Variants in PXDNL observed in about 807,000 individuals in gnomAD.
The protein encoded by PXDNL is probable oxidoreductase PXDNL.
In PXDNL, 145 loss-of-function variants were observed where a neutral mutation model predicts 150.8. That is an observed-to-expected ratio of 0.96 (90% CI 0.84 to 1.10). The LOEUF (loss-of-function observed/expected upper bound fraction) is 1.10. Among genes scored for constraint, PXDNL ranks in the 50% least tolerant of loss-of-function variants. The pLI is 0.00. For synonymous variants in PXDNL, 757 were observed against 725.7 expected, an observed-to-expected ratio of 1.04 and a Z score of -0.69; for missense variants, 2,087 against 1,873.9, an observed-to-expected ratio of 1.11 and a Z score of -2.10.
At chr8:51,646,950 G>A (rs1814933491) in intron 2 of PXDNL, among the ~76,000 whole-genome samples, 1 of 152,092 alleles carries the variant, frequency 6.6e-6, no homozygotes, top group Admixed American at 6.6e-5. Context: ...AGAGCCGATG[G>A]CCTGGGAGTG....
At chr8:51,558,258 A>G (rs1159256277) in intron 3 of PXDNL, among the ~76,000 whole-genome samples, 2 of 152,050 alleles carry the variant, frequency 1.3e-5, no homozygotes, top group Non-Finnish European at 2.9e-5. Context: ...CTCTAATTTA[A>G]TGATGGGTCC....
At chr8:51,425,032 T>G (rs1809054463) in intron 13 of PXDNL, among the ~76,000 whole-genome samples, 1 of 152,176 alleles carries the variant, frequency 6.6e-6, no homozygotes, top group African/African-American at 2.4e-5. Context: ...GCCTAGTAGG[T>G]CCTTCCTTCA....
intron 1 of PXDNL, among the ~76,000 whole-genome samples, chr8:51,654,967 T>C (rs1204791379): frequency 6.6e-6 from 1 of 152,208 alleles, no homozygotes; most frequent in East Asian, 1.9e-4. Context: ...TCTGGGGCCA[T>C]ATGCTTGTCA....
chr8:51,493,342 G>A (rs1035173047), intron 5 of PXDNL, among the ~76,000 whole-genome samples: 1 of 152,044 alleles, frequency 6.6e-6, no homozygotes, highest in Non-Finnish European at 1.5e-5. Flanking sequence ...AAAAAACAGA[G>A]CACAAAAACT....
intron 3 of PXDNL, among the ~76,000 whole-genome samples, chr8:51,568,689 T>C (rs564836126): frequency 1.3e-5 from 2 of 152,058 alleles, no homozygotes; most frequent in Non-Finnish European, 2.9e-5. Context: ...AAATGTTTTT[T>C]CTTCTCCTTT....
intron 4 of PXDNL, among the ~76,000 whole-genome samples, chr8:51,521,713 T>G (rs1056344583): frequency 2.0e-5 from 3 of 151,476 alleles, no homozygotes; most frequent in Middle Eastern, 3.2e-3. Context: ...ATATTCAAAC[T>G]GCAGAAAAAC....
At chr8:51,668,577 G>T (rs1446516935) in intron 1 of PXDNL, among the ~76,000 whole-genome samples, 2 of 152,130 alleles carry the variant, frequency 1.3e-5, no homozygotes, top group Non-Finnish European at 2.9e-5. Context: ...TTTCAGCAGG[G>T]TCTACAACAT....
intron 18 of PXDNL, 32 bp downstream of exon 18, chr8:51,374,565 A>G: frequency 6.2e-7 from 1 of 1,606,652 alleles, no homozygotes. Flanking sequence ...AACTTTTGTG[A>G]TATTTAATAA....
intron 3 of PXDNL, among the ~76,000 whole-genome samples, chr8:51,572,100 T>G (rs1467901761): frequency 6.6e-6 from 1 of 151,786 alleles, no homozygotes; most frequent in Non-Finnish European, 1.5e-5. Flanking sequence ...CATTTTAAAT[T>G]TATAATGGGT....
intron 14 of PXDNL, among the ~76,000 whole-genome samples, chr8:51,420,598 C>G (rs1464391017): frequency 6.6e-6 from 1 of 152,158 alleles, no homozygotes; most frequent in Non-Finnish European, 1.5e-5. Flanking sequence ...TCCTTATAGC[C>G]TGTTTCAACA....
intron 1 of PXDNL, among the ~76,000 whole-genome samples, chr8:51,718,993 G>C (rs1181515559): frequency 6.6e-6 from 1 of 151,030 alleles, no homozygotes; most frequent in African/African-American, 2.4e-5. Context: ...AGGGAGGCGG[G>C]GGGCAGCCCC....
Position 51,556,155 on chromosome 8 carries a change from C to T in PXDNL, c.380+685G>A, listed in dbSNP as rs1024283719. Among the ~76,000 whole-genome samples, 56 of 152,064 alleles carry T rather than the reference C, an allele frequency of 3.7e-4. 1 individual carries two copies. Among genetic ancestry groups the T allele is most frequent in the African/African-American group, 1.3e-3 (53 of 41,472 alleles). The stretch of plus-strand genomic sequence containing the variant: ...GGCATGATGGGGCATACCTGTAATC[C>T]CAGCTACTTGGGGGGCTGAGGCACA... On this transcript the variant is annotated intron_variant, in intron 4 of 22. Coordinates refer to ENST00000356297, the MANE Select transcript of PXDNL (RefSeq NM_144651.5).
chr8:51,494,337 T>C (rs889722908), intron 5 of PXDNL, among the ~76,000 whole-genome samples: 6 of 151,880 alleles, frequency 4.0e-5, no homozygotes, highest in African/African-American at 1.5e-4. Flanking sequence ...TGCCAAATTG[T>C]AAAGACCATC....
intron 1 of PXDNL, among the ~76,000 whole-genome samples, chr8:51,739,279 A>G (rs2036877019): frequency 6.6e-6 from 1 of 152,154 alleles, no homozygotes; most frequent in African/African-American, 2.4e-5. Context: ...TAAAAGTCCA[A>G]CAGTAAACAA....
chr8:51,617,614 AAACATT>A (rs1298134044), intron 2 of PXDNL, among the ~76,000 whole-genome samples: 1 of 152,240 alleles, frequency 6.6e-6, no homozygotes, highest in Non-Finnish European at 1.5e-5. Flanking sequence ...GAAATCTACT[AAACATT>A]AGTAAGCTGG....
In PXDNL at chr8:51,452,120, C is replaced by T. The variant is rs114220319; in HGVS notation, c.1249+1399G>A. ...ATGGAAAAAGCTGAGAAACAAAAGC[C>T]TAGCACAGTGTGGAATACAGGCAAC... On this transcript the variant is annotated intron_variant, in intron 10 of 22. Coordinates refer to ENST00000356297, the MANE Select transcript of PXDNL (RefSeq NM_144651.5). Among the ~76,000 whole-genome samples, 51 of 152,306 alleles carry T rather than the reference C, an allele frequency of 3.3e-4. 1 individual carries two copies. Among genetic ancestry groups the T allele is most frequent in the African/African-American group, 1.1e-3 (47 of 41,570 alleles).
At chr8:51,610,898 T>C (rs76836459) in intron 2 of PXDNL, among the ~76,000 whole-genome samples, 4,639 of 152,276 alleles carry the variant, frequency 0.03, 252 homozygotes, top group African/African-American at 0.11. Flanking sequence ...ATGATCTCCC[T>C]TTTGATTGAC....
intron 1 of PXDNL, among the ~76,000 whole-genome samples, chr8:51,696,868 CAT>C (rs56347711): frequency 0.048 from 487 of 10,086 alleles, 30 homozygotes; most frequent in East Asian, 0.1. Flanking sequence ...GGTCCACACA[CAT>C]GTGCACACAC....
chr8:51,428,319 C>T (rs1484875714), intron 12 of PXDNL, among the ~76,000 whole-genome samples: 7 of 9,500 alleles, frequency 7.4e-4, no homozygotes, highest in African/African-American at 8.1e-4. Flanking sequence ...ATACAATTCT[C>T]ATTAAATCCC....
Sources: gnomAD v4.1 joint callset for allele counts (sites outside exome capture counted in the v4.1 genomes callset) on GRCh38, gnomAD v4.1.1 for gene constraint, MANE v1.5 for transcripts, NCBI Gene and HGNC (gene_info 2026-07-23, HGNC 2026-07-21) for gene names.